EGF: variants seen among roughly 807,000 people sequenced by gnomAD.
EGF encodes epidermal growth factor, also known as pro-epidermal growth factor.
A neutral mutation model predicts 143.8 loss-of-function variants in EGF; 95 were observed. That is an observed-to-expected ratio of 0.66 (90% CI 0.56 to 0.78). The LOEUF (loss-of-function observed/expected upper bound fraction) is 0.78, where lower values mean the gene tolerates loss of function less well. Ranked by LOEUF, EGF falls within the 30% of genes least tolerant of loss-of-function variation. EGF has a pLI of 0.00. For missense variants in EGF, 1,320 were observed against 1,470.9 expected (o/e 0.90, Z 1.68); for synonymous variants, 510 against 510.5 (o/e 1.00, Z 0.01).
intron 18 of EGF, 78 bp downstream of exon 18, chr4:109,988,787 A>G (rs1750528416): frequency 1.3e-5 from 21 of 1,599,760 alleles, no homozygotes; most frequent in Non-Finnish European, 1.7e-5. Context: ...GCATGAGCAG[A>G]GGGAAGACAG....
At position 109,964,533 on chromosome 4, in the gene EGF, A is replaced by G. The variant is rs1474066187; in HGVS notation, c.1571A>G (p.Asn524Ser). 2.5e-6 allele frequency: 4 copies of G among 1,613,730 alleles called. No homozygotes were observed. The highest frequency in any genetic ancestry group is 3.4e-6 in the Non-Finnish European group (4 of 1,179,770). ...VYALDHDPVENKIYFAHTALK... is the reference protein window; with the variant it reads ...VYALDHDPVESKIYFAHTALK... ...GCCCTAGATCATGACCCTGTGGAAA[A>G]TAAGGTATGGTTTTGTTACTTGAAC... The change falls in exon 10 of 24, where the codon AAT becomes AGT. Residue 524 changes from asparagine to serine, a missense_variant. By Grantham distance (46) the Asn-to-Ser change is conservative (BLOSUM62 1). Transcript: ENST00000265171.
chr4:109,968,703 T>C (rs56153017), intron 10 of EGF: 29 of 399,234 alleles, frequency 7.3e-5, no homozygotes, highest in East Asian at 4.5e-4. Flanking sequence ...TATCTATCTA[T>C]CTATCTACCT....
chr4:109,979,845 A>AG, intron 13 of EGF, 127 bp from the exon 14 acceptor site: 1 of 1,144,136 alleles, frequency 8.7e-7, no homozygotes, highest in Admixed American at 1.9e-5. Flanking sequence ...GCTCACTCAT[A>AG]ACTTGCTGAG....
chr4:109,941,198 T>A, intron 2 of EGF, 53 bp downstream of exon 2: 1 of 1,492,826 alleles, frequency 6.7e-7, no homozygotes, highest in Non-Finnish European at 9.3e-7. Flanking sequence ...GGCTGACAAA[T>A]ATAATATACT....
At chr4:109,990,501 C>T (rs1391845899) in intron 18 of EGF, among the ~76,000 whole-genome samples, 1 of 152,014 alleles carries the variant, frequency 6.6e-6, no homozygotes, top group Non-Finnish European at 1.5e-5. Flanking sequence ...CACATGACTG[C>T]CATTAAGGGT....
rs1178671893 is a variant in EGF, at chr4:109,952,448, A to G, written c.941-6864A>G. Among the ~76,000 whole-genome samples the G allele has an allele frequency of 2.6e-5, 4 of 152,212 alleles. No individual in the cohort carries two copies. The South Asian group carries it at 6.2e-4, about 24-fold the overall frequency. Reference sequence around the variant, plus strand: ...GATAATTGTCTCCACCTGGAAATGTACTTGCTTCTGGAAGCAATTAGTATA... The same window carrying G: ...GATAATTGTCTCCACCTGGAAATGTGCTTGCTTCTGGAAGCAATTAGTATA... On this transcript the variant is annotated intron_variant, in intron 5 of 23. Coordinates refer to ENST00000265171, the MANE Select transcript of EGF (RefSeq NM_001963.6).
chr4:109,944,003 G>A lies in EGF; in HGVS notation c.671G>A (p.Ser224Asn), dbSNP rs2126009064. Residue 224 changes from serine to asparagine, a missense_variant, in exon 4 of 24, where the codon AGC becomes AAC. By Grantham distance (46) the Ser-to-Asn change is conservative. Coordinates refer to ENST00000265171, the MANE Select transcript of EGF (RefSeq NM_001963.6). ...LFWIQYNREG[S>N]NSLICSCDYD... ...TGGATTCAGTACAACAGAGAAGGAA[G>A]CAATTCTCTTATTTGCTCCTGTGAT... is the stretch of plus-strand genomic sequence containing the variant. The A allele has an allele frequency of 1.2e-6, 2 of 1,614,152 alleles. No individual in the cohort carries two copies. The highest frequency in any genetic ancestry group is 1.7e-6 in the Non-Finnish European group (2 of 1,180,034).
chr4:109,920,464 T>A (rs954537992), intron 1 of EGF, among the ~76,000 whole-genome samples: 1 of 151,566 alleles, frequency 6.6e-6, no homozygotes, highest in Non-Finnish European at 1.5e-5. Context: ...GGGAGAGCAC[T>A]TGATGGGGCG....
Position 109,959,552 on chromosome 4 carries a change from C to G in EGF, c.1066+115C>G, listed in dbSNP as rs935267398. ...GCCAGCCAGAGACTCAGTGGAAAACCAACTTCAAGTCCATTCTCCCCGTCC... is the reference window on the plus strand; with the variant it reads ...GCCAGCCAGAGACTCAGTGGAAAACGAACTTCAAGTCCATTCTCCCCGTCC... On this transcript the variant is annotated intron_variant, in intron 6 of 23. Transcript: ENST00000265171. 3 of 1,522,252 alleles carry G rather than the reference C, an allele frequency of 2.0e-6. No individual in the cohort carries two copies. In the African/African-American group the frequency reaches 4.1e-5, roughly 21 times the overall value. 94.3% of individuals were successfully genotyped at this position (1,522,252 alleles called of 1,614,324 possible).
intron 23 of EGF, among the ~76,000 whole-genome samples, chr4:110,010,429 A>T (rs1449482715): frequency 1.3e-5 from 2 of 152,124 alleles, no homozygotes; most frequent in Admixed American, 1.3e-4. Context: ...AAATTTTAAG[A>T]TGCCAACCAA....
rs376198509 is a variant in EGF, at chr4:109,968,990, C to T, written c.1595C>T (p.Ala532Val). ...TTGTAGATATACTTTGCCCATACAG[C>T]CCTGAAGTGGATAGAGAGAGCTAAT... Reference protein sequence around the residue: ...VENKIYFAHTALKWIERANMD... With the variant: ...VENKIYFAHTVLKWIERANMD... Residue 532 changes from alanine (A) to valine (V), a missense_variant, in exon 11 of 24, where the codon GCC becomes GTC. Ala to Val is a moderately conservative substitution (Grantham distance 64). Around this residue, in one of 5 missense-constraint regions of EGF, gnomAD observed 1,186 missense variants for 1,313.7 expected, o/e 0.90. Transcript: ENST00000265171. The T allele has an allele frequency of 1.9e-6, 3 of 1,614,012 alleles. No homozygotes were observed. Among genetic ancestry groups the T allele is most frequent in the Admixed American group, 1.7e-5 (1 of 60,006 alleles).
intron 1 of EGF, among the ~76,000 whole-genome samples, chr4:109,928,082 AG>A (rs1487111783): frequency 6.6e-6 from 1 of 152,140 alleles, no homozygotes; most frequent in East Asian, 1.9e-4. Context: ...GTATTGGATA[AG>A]GGATAGACAC....
chr4:109,961,897 C>T lies in EGF; in HGVS notation c.1224C>T (p.Cys408=). ...CCTGTCCACGCAATGTGTCTGAATG[C>T]AGCCATGACTGTGTTCTGACATCAG... The part of the protein sequence containing the change: ...LVSCPRNVSE[C]SHDCVLTSEG... The change falls in exon 8 of 24, where the codon TGC becomes TGT. Residue 408 remains cysteine, a synonymous_variant. Transcript: ENST00000265171. 6 of 1,613,926 alleles carry T rather than the reference C, an allele frequency of 3.7e-6. No individual in the cohort carries two copies. The highest frequency in any genetic ancestry group is 1.7e-4 in the Middle Eastern group (1 of 6,060).
intron 1 of EGF, among the ~76,000 whole-genome samples, chr4:109,929,625 G>T (rs1488057605): frequency 2.0e-5 from 3 of 152,164 alleles, no homozygotes; most frequent in Non-Finnish European, 4.4e-5. Context: ...GTAGGTAGGG[G>T]CTGTTTTCTG....
At position 109,943,263 on chromosome 4, in the gene EGF, A is replaced by T; in HGVS notation, c.337A>T (p.Asn113Tyr). 1 of 1,604,116 alleles carries T rather than the reference A, an allele frequency of 6.2e-7. No homozygotes were observed. Among genetic ancestry groups the T allele is most frequent in the Non-Finnish European group, 8.5e-7 (1 of 1,174,888 alleles). ...LNGSRQERVC[N>Y]IEKNVSGMAI... is the part of the protein sequence containing the mutation. ...AAATTTGATTTTGCAGAGAGTATGTAATATAGAGAAAAATGTTTCTGGAAT... is the reference window on the plus strand; with the variant it reads ...AAATTTGATTTTGCAGAGAGTATGTTATATAGAGAAAAATGTTTCTGGAAT... Residue 113 changes from asparagine (N) to tyrosine (Y), a missense_variant, in exon 3 of 24, where the codon AAT becomes TAT. Asn to Tyr is a moderately radical substitution (Grantham distance 143). This residue lies in a region of EGF where 41 missense variants were observed against 38.1 expected (regional missense o/e 1.07). Transcript: ENST00000265171.
intron 11 of EGF, among the ~76,000 whole-genome samples, chr4:109,970,654 G>A (rs1288364121): frequency 5.3e-5 from 8 of 151,806 alleles, no homozygotes; most frequent in South Asian, 4.2e-4. Context: ...GTGAAACCCC[G>A]TCTCTACTAA....
intron 5 of EGF, among the ~76,000 whole-genome samples, chr4:109,946,566 C>G (rs1391419655): frequency 6.6e-6 from 1 of 152,132 alleles, no homozygotes; most frequent in Middle Eastern, 3.2e-3. Context: ...TCACAGTACA[C>G]CTTTCATTGA....
rs199756953 is a variant in EGF, at chr4:109,999,668, T to G, written c.3006-11T>G. ...GCATCTCTGATGACCTCTGTTTGTG[T>G]GTTGTCACAGCTGTGTTGTTGGCTA... is the stretch of plus-strand genomic sequence containing the variant. On this transcript the variant is annotated splice_polypyrimidine_tract_variant and intron_variant, in intron 20 of 23. Transcript: ENST00000265171. 1.5e-3 allele frequency: 2,440 copies of G among 1,614,158 alleles called. 3 individuals are homozygous for G. Among genetic ancestry groups the G allele is most frequent in the Non-Finnish European group, 1.9e-3 (2,273 of 1,180,016 alleles).
At position 109,959,408 on chromosome 4, in the gene EGF, C is replaced by G. The variant is rs765930486; in HGVS notation, c.1037C>G (p.Ala346Gly). 6.2e-7 allele frequency: 1 copy of G among 1,612,786 alleles called. No individual in the cohort carries two copies. The highest frequency in any genetic ancestry group is 8.5e-7 in the Non-Finnish European group (1 of 1,179,900). The change falls in exon 6 of 24, where the codon GCC (alanine) becomes GGC (glycine). Residue 346 changes from alanine (A) to glycine (G), a missense_variant. Coordinates refer to ENST00000265171, the MANE Select transcript of EGF (RefSeq NM_001963.6). Reference protein sequence around the residue: ...SHLCMCAEGYALSRDRKYCED... With the variant: ...SHLCMCAEGYGLSRDRKYCED... ...TTGTGCATGTGTGCAGAGGGATACG[C>G]CCTAAGTCGAGACCGGAAGTACTGT...
Sources: allele counts gnomAD v4.1 joint callset (sites outside exome capture counted in the v4.1 genomes callset), GRCh38; gene constraint gnomAD v4.1.1; regional missense constraint gnomAD v4.1.1; transcripts MANE v1.5; gene names NCBI Gene and HGNC (gene_info 2026-07-23, HGNC 2026-07-21).